The following BTBD9 variants were observed in gnomAD, a reference collection of about 807,000 sequenced individuals.
BTBD9 encodes the protein BTB domain containing 9, also known as BTB/POZ domain-containing protein 9.
In BTBD9, 49 loss-of-function variants were observed where a neutral mutation model predicts 64.3. The observed-to-expected ratio is 0.76, with a 90% CI of 0.61 to 0.97. BTBD9 has a LOEUF of 0.97. Among genes scored for constraint, BTBD9 ranks in the 50% least tolerant of loss-of-function variants. The pLI is 0.00. For missense variants in BTBD9, 598 were observed against 762.1 expected (o/e 0.78, Z 2.53); for synonymous variants, 260 against 274.7 (o/e 0.95, Z 0.53).
chr6:38,413,871 A>G (rs931218296), intron 6 of BTBD9, among the ~76,000 whole-genome samples: 2 of 152,164 alleles, frequency 1.3e-5, no homozygotes, highest in Non-Finnish European at 2.9e-5. Context: ...CCATAAAATG[A>G]GAATAATAAT....
chr6:38,463,421 G>A (rs190832549), intron 6 of BTBD9, among the ~76,000 whole-genome samples: 7 of 152,318 alleles, frequency 4.6e-5, no homozygotes, highest in Admixed American at 4.6e-4. Flanking sequence ...ACGCTAAATG[G>A]AAGACATGAA....
intron 6 of BTBD9, among the ~76,000 whole-genome samples, chr6:38,391,575 C>A (rs1278153039): frequency 2.6e-5 from 4 of 151,440 alleles, no homozygotes; most frequent in Non-Finnish European, 5.9e-5. Flanking sequence ...TTTAACTAAT[C>A]TTTTTGATAC....
intron 8 of BTBD9, among the ~76,000 whole-genome samples, chr6:38,281,133 T>C (rs1377761789): frequency 6.6e-6 from 1 of 152,216 alleles, no homozygotes; most frequent in Non-Finnish European, 1.5e-5. Flanking sequence ...AAGCCTTCAT[T>C]TGGCTATTAA....
intron 7 of BTBD9, among the ~76,000 whole-genome samples, chr6:38,293,245 CA>C (rs1474041371): frequency 6.6e-6 from 1 of 151,952 alleles, no homozygotes; most frequent in African/African-American, 2.4e-5. Flanking sequence ...CCATACTGCC[CA>C]AAGTAATTTA....
intron 6 of BTBD9, among the ~76,000 whole-genome samples, chr6:38,488,641 C>G (rs4358619): frequency 0.99 from 150,921 of 152,318 alleles, 74,778 homozygotes; most frequent in East Asian, 1. Flanking sequence ...CTTTTTAAAA[C>G]GTCAGACGAA....
At chr6:38,445,275 G>A (rs1333837393) in intron 6 of BTBD9, among the ~76,000 whole-genome samples, 1 of 152,182 alleles carries the variant, frequency 6.6e-6, no homozygotes, top group African/African-American at 2.4e-5. Context: ...AGTAACATCT[G>A]CAGGCTATTA....
intron 6 of BTBD9, among the ~76,000 whole-genome samples, chr6:38,552,484 A>G (rs900379890): frequency 9.2e-5 from 14 of 152,178 alleles, no homozygotes; most frequent in Admixed American, 9.2e-4. Flanking sequence ...AAGATTAATG[A>G]AAAAATAAAA....
chr6:38,596,408 A>T (rs2127495815), intron 2 of BTBD9, among the ~76,000 whole-genome samples: 1 of 152,300 alleles, frequency 6.6e-6, no homozygotes, highest in South Asian at 2.1e-4. Flanking sequence ...CACCTAAAAG[A>T]TATCCTCATA....
chr6:38,309,414 G>T (rs942655042), intron 7 of BTBD9, among the ~76,000 whole-genome samples: 1 of 151,780 alleles, frequency 6.6e-6, no homozygotes, highest in Non-Finnish European at 1.5e-5. Flanking sequence ...ACGAAAAAGT[G>T]GTGGTTTATT....
rs544953905 is a variant in BTBD9 at position 38,318,506 on chromosome 6, A to G, written c.1264+26478T>C. Among the ~76,000 whole-genome samples, 7 of 152,316 alleles carry G rather than the reference A, an allele frequency of 4.6e-5. 1 individual carries two copies. Among genetic ancestry groups the G allele is most frequent in the African/African-American group, 1.7e-4 (7 of 41,570 alleles). On this transcript the variant is annotated intron_variant, in intron 7 of 10. Coordinates refer to ENST00000481247, the MANE Select transcript of BTBD9 (RefSeq NM_001099272.2). ...GGACACCCAAGCTCAGTAATGCTGT[A>G]GTTCTTATAGACTCATAGAGGTACT...
At chr6:38,566,577 T>C (rs1237634272) in intron 6 of BTBD9, among the ~76,000 whole-genome samples, 2 of 152,210 alleles carry the variant, frequency 1.3e-5, no homozygotes, top group African/African-American at 2.4e-5. Flanking sequence ...ATACAAAGAA[T>C]GTGCCCCAAA....
intron 1 of BTBD9, among the ~76,000 whole-genome samples, chr6:38,624,671 AC>A (rs376624111): frequency 2.0e-5 from 3 of 148,994 alleles, no homozygotes; most frequent in African/African-American, 7.6e-5. Flanking sequence ...ACAAAATCCT[AC>A]CCCCCATCCA....
chr6:38,561,887 C>T (rs139801820), intron 6 of BTBD9, among the ~76,000 whole-genome samples: 3 of 152,174 alleles, frequency 2.0e-5, no homozygotes, highest in African/African-American at 7.2e-5. Context: ...ACACAATATA[C>T]CCATGTGACA....
chr6:38,555,553 G>A (rs1774977742), intron 6 of BTBD9, among the ~76,000 whole-genome samples: 1 of 152,208 alleles, frequency 6.6e-6, no homozygotes, highest in Non-Finnish European at 1.5e-5. Flanking sequence ...AGTAGCAGTA[G>A]TAGTGATAAA....
rs568349997 is a variant in BTBD9, at chr6:38,551,863, T to C, written c.1154+25737A>G. 2.6e-5 allele frequency among the ~76,000 whole-genome samples: 4 copies of C among 152,318 alleles called. No individual in the cohort carries two copies. The South Asian group carries it at 8.3e-4, about 32-fold the overall frequency. On this transcript the variant is annotated intron_variant, in intron 6 of 10. Coordinates refer to ENST00000481247, the MANE Select transcript of BTBD9 (RefSeq NM_001099272.2). Reference sequence around the variant, plus strand: ...CTGCAAGGTCCAAGCTATAGAGATGTTGAAGGCAGGGTTTAAGGCAGCAGT... The same window carrying C: ...CTGCAAGGTCCAAGCTATAGAGATGCTGAAGGCAGGGTTTAAGGCAGCAGT...
intron 1 of BTBD9, among the ~76,000 whole-genome samples, chr6:38,602,188 T>A (rs1777273229): frequency 6.6e-6 from 1 of 152,118 alleles, no homozygotes; most frequent in Non-Finnish European, 1.5e-5. Context: ...AAATAAGGAT[T>A]TTTTTCAATA....
At chr6:38,573,364 A>G (rs1775865756) in intron 6 of BTBD9, among the ~76,000 whole-genome samples, 1 of 152,144 alleles carries the variant, frequency 6.6e-6, no homozygotes. Context: ...CCATTTTGAT[A>G]ATTTTTTAAA....
chr6:38,411,806 G>A (rs1465307263), intron 6 of BTBD9, among the ~76,000 whole-genome samples: 5 of 151,842 alleles, frequency 3.3e-5, no homozygotes, highest in Admixed American at 6.6e-5. Context: ...ACACGGTGGC[G>A]TGCACCTGTA....
chr6:38,512,350 T>A (rs989075610), intron 6 of BTBD9, among the ~76,000 whole-genome samples: 1 of 152,196 alleles, frequency 6.6e-6, no homozygotes, highest in Non-Finnish European at 1.5e-5. Context: ...GTGGAACATG[T>A]ACATACCAAA....
Sources: gnomAD v4.1 joint callset for allele counts (sites outside exome capture counted in the v4.1 genomes callset) on GRCh38, gnomAD v4.1.1 for gene constraint, MANE v1.5 for transcripts, NCBI Gene and HGNC (gene_info 2026-07-23, HGNC 2026-07-21) for gene names.